CNTN4: variants seen among roughly 807,000 people sequenced by gnomAD.
CNTN4 encodes contactin-4.
Under a neutral mutation model 122.5 loss-of-function variants are expected in CNTN4, and 77 were observed. The observed-to-expected ratio is 0.63, with a 90% CI of 0.52 to 0.76. The LOEUF (loss-of-function observed/expected upper bound fraction) is 0.76. Ranked by LOEUF, CNTN4 falls within the 30% of genes least tolerant of loss-of-function variation. CNTN4 has a pLI of 0.00. For missense variants in CNTN4, 1,256 were observed against 1,259.1 expected (o/e 1.00, Z 0.04); for synonymous variants, 512 against 447.0 (o/e 1.15, Z -1.83).
intron 3 of CNTN4, chr3:2,511,307 G>A (rs2076879562): frequency 6.6e-6 from 1 of 152,226 alleles, no homozygotes; most frequent in African/African-American, 2.4e-5. Flanking sequence ...TTTTTGAAAG[G>A]TTGAACACAT....
intron 7 of CNTN4, among the ~76,000 whole-genome samples, chr3:2,861,980 A>C (rs17021477): frequency 0.11 from 17,359 of 152,256 alleles, 1,239 homozygotes; most frequent in East Asian, 0.16. Flanking sequence ...TAACAGAATC[A>C]GCTCTTCTGA....
At chr3:2,996,850 A>G (rs913139078) in intron 14 of CNTN4, among the ~76,000 whole-genome samples, 6 of 152,210 alleles carry the variant, frequency 3.9e-5, no homozygotes, top group African/African-American at 1.2e-4. Context: ...CTCCAGAGGA[A>G]GTTGATATTA....
In CNTN4 at chr3:3,011,221, T is replaced by G. The variant is rs114162449; in HGVS notation, c.1487-14881T>G. 8.4e-3 allele frequency among the ~76,000 whole-genome samples: 1,272 copies of G among 152,296 alleles called. 20 individuals are homozygous for G. The highest frequency in any genetic ancestry group is 0.029 in the African/African-American group (1,199 of 41,580). On this transcript the variant is annotated intron_variant, in intron 14 of 24. Coordinates refer to ENST00000418658, the MANE Select transcript of CNTN4 (RefSeq NM_175607.3). ...CAGATACTTCTCAGCTAAGCTTTTCTCAGACCTTTCATGTCCCTCAATAAA... is the reference window on the plus strand; with the variant it reads ...CAGATACTTCTCAGCTAAGCTTTTCGCAGACCTTTCATGTCCCTCAATAAA...
At chr3:2,471,067 C>T (rs2075667973) in intron 3 of CNTN4, among the ~76,000 whole-genome samples, 1 of 152,160 alleles carries the variant, frequency 6.6e-6, no homozygotes, top group South Asian at 2.1e-4. Context: ...CCAGTAAGAA[C>T]ACCTATAGGA....
chr3:2,237,801 A>G (rs2039742199), intron 2 of CNTN4, among the ~76,000 whole-genome samples: 1 of 152,206 alleles, frequency 6.6e-6, no homozygotes, highest in Admixed American at 6.5e-5. Context: ...TTTAATTTCA[A>G]GTGAGACAGT....
chr3:2,966,426 A>C (rs957350569), intron 13 of CNTN4, among the ~76,000 whole-genome samples: 1 of 152,206 alleles, frequency 6.6e-6, no homozygotes, highest in African/African-American at 2.4e-5. Flanking sequence ...AGAAGCTAAA[A>C]ATTAAAACAA....
At chr3:2,470,547 T>C (rs578215780) in intron 3 of CNTN4, among the ~76,000 whole-genome samples, 1 of 152,174 alleles carries the variant, frequency 6.6e-6, no homozygotes, top group African/African-American at 2.4e-5. Flanking sequence ...ACTTCACATA[T>C]AGTCTCATTT....
At chr3:2,760,870 A>G (rs1404610817) in intron 6 of CNTN4, among the ~76,000 whole-genome samples, 3 of 152,164 alleles carry the variant, frequency 2.0e-5, no homozygotes, top group Non-Finnish European at 1.5e-5. Context: ...TCTCAGTTCT[A>G]TTGTCTGCAA....
chr3:2,154,787 A>T (rs1258431211), intron 2 of CNTN4, among the ~76,000 whole-genome samples: 1 of 152,242 alleles, frequency 6.6e-6, no homozygotes, highest in Non-Finnish European at 1.5e-5. Flanking sequence ...TCGTGGGAAG[A>T]GTGGAATTTA....
intron 4 of CNTN4, among the ~76,000 whole-genome samples, chr3:2,724,737 A>G (rs1516383): frequency 0.78 from 118,312 of 152,072 alleles, 47,176 homozygotes; most frequent in East Asian, 0.94. Context: ...TGTCAGTGGG[A>G]AACGGAGGGT....
intron 6 of CNTN4, among the ~76,000 whole-genome samples, chr3:2,812,119 G>A (rs376363544): frequency 4.4e-4 from 67 of 152,294 alleles, no homozygotes; most frequent in African/African-American, 1.4e-3. Flanking sequence ...ACTGGGGCCT[G>A]TTAGAGAGTG....
At chr3:2,612,107 TACAC>T (rs58025362) in intron 4 of CNTN4, among the ~76,000 whole-genome samples, 10,103 of 149,946 alleles carry the variant, frequency 0.067, 1,053 homozygotes, top group African/African-American at 0.23. Context: ...ATACATATAA[TACAC>T]ACACACACAC....
intron 2 of CNTN4, among the ~76,000 whole-genome samples, chr3:2,102,340 G>T (rs1466727788): frequency 1.3e-5 from 2 of 152,154 alleles, no homozygotes; most frequent in African/African-American, 4.8e-5. Context: ...ATTTCTGTGA[G>T]CCTTAGTTTC....
In CNTN4 at chr3:2,670,743, T is replaced by A. The variant is rs556784431; in HGVS notation, c.56-65472T>A. ...GCAGTGGCTGGTACCGGTTGTTCCT[T>A]TCCATGTTTAGTGCTTCCTTCAGGA... On this transcript the variant is annotated intron_variant, in intron 4 of 24. Coordinates refer to ENST00000418658, the MANE Select transcript of CNTN4 (RefSeq NM_175607.3). Among the ~76,000 whole-genome samples, 675 of 152,304 alleles carry A rather than the reference T, an allele frequency of 4.4e-3. 10 individuals are homozygous for A. Among genetic ancestry groups the A allele is most frequent in the African/African-American group, 0.016 (658 of 41,576 alleles).
chr3:2,369,776 A>G (rs1252097690), intron 3 of CNTN4, among the ~76,000 whole-genome samples: 1 of 152,146 alleles, frequency 6.6e-6, no homozygotes, highest in Non-Finnish European at 1.5e-5. Flanking sequence ...ACTTGTCAGA[A>G]AGTTAAAAAA....
intron 13 of CNTN4, among the ~76,000 whole-genome samples, chr3:2,926,496 C>G (rs951877638): frequency 1.1e-4 from 17 of 152,092 alleles, no homozygotes; most frequent in African/African-American, 3.9e-4. Context: ...TAAAATATCC[C>G]CTACCTTTTT....
At chr3:2,386,986 T>A (rs1220848931) in intron 3 of CNTN4, among the ~76,000 whole-genome samples, 1 of 152,188 alleles carries the variant, frequency 6.6e-6, no homozygotes, top group Non-Finnish European at 1.5e-5. Context: ...CATCTTTACT[T>A]CAGGAAGACT....
In CNTN4 at chr3:2,886,551, G is replaced by A. The variant is rs373453102; in HGVS notation, c.756-489G>A. On this transcript the variant is annotated intron_variant, in intron 9 of 24. Transcript: ENST00000418658. ...TTTTGAGACAAAGTCTCGCTCTGTC[G>A]CCCAGGCTGGAGTGCAGTAGTGCGA... Among the ~76,000 whole-genome samples the A allele has an allele frequency of 1.4e-4, 19 of 138,002 alleles. No homozygotes were observed. The South Asian group carries it at 2.3e-3, about 17-fold the overall frequency. 90.5% of individuals were successfully genotyped at this position (138,002 alleles called of 152,430 possible).
chr3:2,159,826 CTT>C (rs200520170), intron 2 of CNTN4, among the ~76,000 whole-genome samples: 4 of 143,772 alleles, frequency 2.8e-5, no homozygotes, highest in African/African-American at 5.1e-5. Flanking sequence ...TGACACAGCT[CTT>C]TTTTTTTTTT....
Sources: gnomAD v4.1 joint callset for allele counts (sites outside exome capture counted in the v4.1 genomes callset) on GRCh38, gnomAD v4.1.1 for gene constraint, MANE v1.5 for transcripts, NCBI Gene and HGNC (gene_info 2026-07-23, HGNC 2026-07-21) for gene names.